The following COBLL1 variants were observed in gnomAD, a reference collection of about 807,000 sequenced individuals.
COBLL1 encodes cordon-bleu WH2 repeat protein like 1.
A neutral mutation model predicts 94.8 loss-of-function variants in COBLL1; 50 were observed. The observed-to-expected ratio is 0.53, with a 90% confidence interval of 0.42 to 0.67. The LOEUF (loss-of-function observed/expected upper bound fraction) is 0.67, where lower values mean the gene tolerates loss of function less well. Ranked by LOEUF, COBLL1 falls within the 30% of genes least tolerant of loss-of-function variation. COBLL1 has a pLI of 0.00. For missense variants in COBLL1, 1,362 were observed against 1,348.7 expected (o/e 1.01, Z -0.15); for synonymous variants, 448 against 473.8 (o/e 0.95, Z 0.71).
intron 2 of COBLL1, among the ~76,000 whole-genome samples, chr2:164,810,752 A>G (rs1205743845): frequency 1.3e-5 from 2 of 151,898 alleles, no homozygotes; most frequent in African/African-American, 2.4e-5. Context: ...ACTATCCAAA[A>G]CAAAAGTTAC....
chr2:164,686,792 C>T (rs1683317567), intron 13 of COBLL1, among the ~76,000 whole-genome samples: 1 of 152,060 alleles, frequency 6.6e-6, no homozygotes. Context: ...ATCATACTTG[C>T]AATATAATGA....
At chr2:164,753,815 C>T (rs912117410) in intron 2 of COBLL1, among the ~76,000 whole-genome samples, 4 of 150,408 alleles carry the variant, frequency 2.7e-5, no homozygotes, top group Non-Finnish European at 5.9e-5. Context: ...GATCTCAGCT[C>T]ACTGCAACCT....
chr2:164,747,690 G>A (rs895195117), intron 2 of COBLL1, among the ~76,000 whole-genome samples: 2 of 152,056 alleles, frequency 1.3e-5, no homozygotes. Flanking sequence ...TGGCCAGGCT[G>A]GTCTTGAACT....
chr2:164,774,355 A>C (rs1233507952), intron 2 of COBLL1, among the ~76,000 whole-genome samples: 1 of 152,192 alleles, frequency 6.6e-6, no homozygotes, highest in Non-Finnish European at 1.5e-5. Context: ...TTTCTGTTTC[A>C]TGGCTTCACT....
intron 10 of COBLL1, among the ~76,000 whole-genome samples, chr2:164,700,227 G>C (rs1684177300): frequency 6.6e-6 from 1 of 152,016 alleles, no homozygotes. Context: ...AGGTCACATA[G>C]GTTAACAGGC....
In COBLL1 at chr2:164,694,336, G is replaced by T; in HGVS notation, c.3056C>A (p.Thr1019Lys). 2 of 1,613,928 alleles carry T rather than the reference G, an allele frequency of 1.2e-6. No homozygotes were observed. The highest frequency in any genetic ancestry group is 1.7e-6 in the Non-Finnish European group (2 of 1,179,894). Residue 1019 changes from threonine to lysine, a missense_variant, in exon 12 of 14, where the codon ACA becomes AAA. By Grantham distance (78) the Thr-to-Lys change is moderately conservative. Transcript: ENST00000652658. The stretch of plus-strand genomic sequence containing the variant: ...TACAGAATGAGTCTTCCCTTCCTCT[G>T]TGTTGGCTGGAGGTTGGACCAATGC... ...ASALVQPPAN[T>K]EEGKTHSVNK...
rs1032464375 is a variant in COBLL1, at chr2:164,841,319, G to C, written c.-50-73C>G. Reference sequence around the variant, plus strand: ...GAGGCCGGAGCGAAGCTGGCTGAGCGTCAAGAGCCCGCCCGAGCCGCTCCA... The same window carrying C: ...GAGGCCGGAGCGAAGCTGGCTGAGCCTCAAGAGCCCGCCCGAGCCGCTCCA... On this transcript the variant is annotated intron_variant, in intron 1 of 13. Transcript: ENST00000652658. This position sits in a 1 kb window ranked among gnomAD's most constrained non-coding sequence, Gnocchi z 5.5. The C allele has an allele frequency of 7.4e-5, 89 of 1,210,152 alleles. No individual in the cohort carries two copies. The highest frequency in any genetic ancestry group is 8.0e-5 in the Non-Finnish European group (78 of 974,086). The allele number at this position is 1,210,152 out of a possible 1,614,324, so 75.0% of individuals were successfully genotyped here.
rs554958618 is a variant in COBLL1, at chr2:164,820,248, C to G, written c.41+20908G>C. On this transcript the variant is annotated intron_variant, in intron 2 of 13. Coordinates refer to ENST00000652658, the MANE Select transcript of COBLL1 (RefSeq NM_001365672.2). The stretch of plus-strand genomic sequence containing the variant: ...CCCCACTTTTGTTTTGAGACAAGGT[C>G]TCACTCTGTTGCCCAGGCTAGTATG... Among the ~76,000 whole-genome samples, 44 of 152,228 alleles carry G rather than the reference C, an allele frequency of 2.9e-4. 1 individual carries two copies. In the South Asian group the frequency reaches 8.1e-3, roughly 28 times the overall value.
At chr2:164,827,489 A>G (rs1685491238) in intron 2 of COBLL1, among the ~76,000 whole-genome samples, 1 of 152,166 alleles carries the variant, frequency 6.6e-6, no homozygotes, top group African/African-American at 2.4e-5. Context: ...CCACATGACA[A>G]TTGGATTTCT....
chr2:164,729,553 G>A (rs1380750644), intron 4 of COBLL1, among the ~76,000 whole-genome samples: 2 of 151,894 alleles, frequency 1.3e-5, no homozygotes, highest in Non-Finnish European at 2.9e-5. Flanking sequence ...TACAACTGCT[G>A]CTTACCAAGT....
downstream of COBLL1, among the ~76,000 whole-genome samples, chr2:164,676,757 G>A (rs185019746): frequency 1.4e-3 from 211 of 151,814 alleles, no homozygotes; most frequent in Non-Finnish European, 2.4e-3. Context: ...TTTGGCAAAG[G>A]ATCATTAACT....
At position 164,700,568 on chromosome 2, in the gene COBLL1, G is replaced by A; in HGVS notation, c.1414C>T (p.Gln472Ter). Residue 472 changes from glutamine to a stop codon, truncating the protein, a stop_gained, in exon 10 of 14, where the codon CAA (glutamine) becomes TAA (stop). Transcript: ENST00000652658. LOFTEE classifies it high-confidence loss of function. The stretch of plus-strand genomic sequence containing the variant: ...TCTTGTTTTTCTTCCATGGAGTTTT[G>A]TGAGAACTCTCCACTACCATTGCCA... ...ALGNGSGEFS[Q>*]NSMEEKQETK... 6.2e-7 allele frequency: 1 copy of A among 1,613,702 alleles called. No homozygotes were observed. Among genetic ancestry groups the A allele is most frequent in the Non-Finnish European group, 8.5e-7 (1 of 1,179,760 alleles).
At chr2:164,777,627 T>A (rs907721998) in intron 2 of COBLL1, among the ~76,000 whole-genome samples, 1 of 152,152 alleles carries the variant, frequency 6.6e-6, no homozygotes, top group African/African-American at 2.4e-5. Context: ...TAAACCCAGA[T>A]GAATGACATC....
rs1684425561 is a variant in COBLL1, at chr2:164,703,504, A to AT, written c.1225+939dup. Reference sequence around the variant, plus strand: ...TTCCTTTGTGGAAAAAAATGGTGCCATTTATATTATTCTGAGTAAAAGCTG... The same window carrying AT: ...TTCCTTTGTGGAAAAAAATGGTGCCATTTTATATTATTCTGAGTAAAAGCTG... On this transcript the variant is annotated intron_variant, in intron 9 of 13. Transcript: ENST00000652658. 5 of 396,866 alleles carry AT rather than the reference A, an allele frequency of 1.3e-5. 1 individual carries two copies. Among genetic ancestry groups the AT allele is most frequent in the Non-Finnish European group, 2.4e-5 (5 of 207,912 alleles). 24.6% of individuals were successfully genotyped at this position (396,866 alleles called of 1,614,324 possible). A position where few individuals can be genotyped will look rare whatever the true frequency, so the allele number is the denominator to read the frequency against.
intron 2 of COBLL1, among the ~76,000 whole-genome samples, chr2:164,745,341 G>C (rs926996632): frequency 6.6e-6 from 1 of 152,064 alleles, no homozygotes; most frequent in Non-Finnish European, 1.5e-5. Context: ...TTTTACAAGA[G>C]CAACAAAACT....
chr2:164,773,695 G>T, intron 2 of COBLL1: 4 of 1,128,452 alleles, frequency 3.5e-6, no homozygotes, highest in African/African-American at 1.6e-5. Flanking sequence ...TTTACACAAC[G>T]TATTTACTTA....
At chr2:164,835,261 C>T (rs1010964707) in intron 2 of COBLL1, among the ~76,000 whole-genome samples, 1 of 152,178 alleles carries the variant, frequency 6.6e-6, no homozygotes, top group Non-Finnish European at 1.5e-5. Flanking sequence ...AAAATGTGAA[C>T]ACAACCCAAG....
At position 164,841,820 on chromosome 2, in the gene COBLL1, G is replaced by A; in HGVS notation, c.-161C>T. 1.6e-6 allele frequency: 1 copy of A among 635,922 alleles called. No homozygotes were observed. 39.4% of individuals were successfully genotyped at this position (635,922 alleles called of 1,614,324 possible). On this transcript the variant is annotated 5_prime_UTR_variant, in exon 1 of 14. Transcript: ENST00000652658. The surrounding 1 kb of genome is among the most constrained non-coding windows in gnomAD (Gnocchi z 5.5). ...CCGCTCGGCTCTCAAGCCAGGACTT[G>A]AATGGAGAAGCGGCAACCCCTGCGA...
intron 7 of COBLL1, among the ~76,000 whole-genome samples, chr2:164,710,291 G>A (rs1010995311): frequency 4.6e-5 from 7 of 152,058 alleles, no homozygotes; most frequent in Non-Finnish European, 8.8e-5. Flanking sequence ...GAAAAGAAGG[G>A]ACATTTAAGT....
Sources: gnomAD v4.1 joint callset for allele counts (sites outside exome capture counted in the v4.1 genomes callset) on GRCh38, gnomAD v4.1.1 for gene constraint, Gnocchi (gnomAD v3.1) non-coding constraint, MANE v1.5 for transcripts, NCBI Gene and HGNC (gene_info 2026-07-23, HGNC 2026-07-21) for gene names.